The following SEC24B variants were observed in gnomAD, a reference collection of about 807,000 sequenced individuals.
SEC24B encodes the protein SEC24 homolog B, COPII component, also known as protein transport protein Sec24B.
In SEC24B, 45 loss-of-function variants were observed where a neutral mutation model predicts 142.8. That is an observed-to-expected ratio of 0.32 (90% CI 0.25 to 0.40). The LOEUF is 0.40. Among genes scored for constraint, SEC24B ranks in the 10% least tolerant of loss-of-function variants. The pLI, the probability that SEC24B is intolerant of heterozygous loss-of-function variation, is 1.00. For synonymous variants in SEC24B, 574 were observed against 568.2 expected, an observed-to-expected ratio of 1.01 and a Z score of -0.15; for missense variants, 1,409 against 1,526.8, an observed-to-expected ratio of 0.92 and a Z score of 1.29.
intron 10 of SEC24B, among the ~76,000 whole-genome samples, chr4:109,516,080 C>A (rs1456364913): frequency 3.9e-5 from 6 of 152,070 alleles, no homozygotes; most frequent in African/African-American, 1.4e-4. Context: ...AATACCATCA[C>A]AAGGACTTTC....
chr4:109,473,114 C>A lies in SEC24B; in HGVS notation c.988C>A (p.Pro330Thr), dbSNP rs761075937. Residue 330 changes from proline to threonine, a missense_variant, in exon 3 of 24, where the codon CCT (proline) becomes ACT (threonine). Physicochemically the swap from Pro to Thr is conservative, Grantham distance 38. Transcript: ENST00000265175. ...CTCAGGATCCTCATCAACAAGAACA[C>A]CTCCCACTGCAAATCACCCAGTTGA... ...GSSGSSSTRT[P>T]PTANHPVEPV... is the part of the protein sequence containing the mutation. 1.3e-6 allele frequency: 2 copies of A among 1,599,916 alleles called. No individual in the cohort carries two copies. The highest frequency in any genetic ancestry group is 1.7e-6 in the Non-Finnish European group (2 of 1,173,380).
chr4:109,436,847 G>GT (rs1728452036), intron 1 of SEC24B, among the ~76,000 whole-genome samples: 5 of 152,332 alleles, frequency 3.3e-5, no homozygotes, highest in Middle Eastern at 3.4e-3. Flanking sequence ...TGCTGGGAGG[G>GT]TGGCGGCACC....
At chr4:109,519,803 T>C (rs1723409373) in intron 11 of SEC24B, among the ~76,000 whole-genome samples, 1 of 152,238 alleles carries the variant, frequency 6.6e-6, no homozygotes, top group Admixed American at 6.5e-5. Context: ...TGGCATCCTG[T>C]AGTATCCAAA....
At chr4:109,511,694 A>G (rs11929713) in intron 8 of SEC24B, among the ~76,000 whole-genome samples, 26,572 of 152,130 alleles carry the variant, frequency 0.17, 2,614 homozygotes, top group African/African-American at 0.27. Flanking sequence ...CTAAAGTTAA[A>G]CTGATAAGAT....
chr4:109,519,333 G>A (rs1239164610), intron 11 of SEC24B, among the ~76,000 whole-genome samples: 2 of 152,186 alleles, frequency 1.3e-5, no homozygotes, highest in East Asian at 1.9e-4. Flanking sequence ...AACCAAAAGT[G>A]TAAAACTGGG....
At chr4:109,439,474 A>ATTT (rs70949077) in intron 1 of SEC24B, among the ~76,000 whole-genome samples, 9 of 43,992 alleles carry the variant, frequency 2.0e-4, no homozygotes, top group South Asian at 8.1e-4. Flanking sequence ...TCCTAAGCTG[A>ATTT]TTTTTTTTTT....
At chr4:109,499,505 C>T (rs1012104350) in intron 6 of SEC24B, among the ~76,000 whole-genome samples, 3 of 152,088 alleles carry the variant, frequency 2.0e-5, no homozygotes, top group South Asian at 2.1e-4. Context: ...TGTGTATATA[C>T]ACACACATAC....
In SEC24B at chr4:109,494,734, G is replaced by T. The variant is rs1418597445; in HGVS notation, c.1366G>T (p.Ala456Ser). 3.1e-6 allele frequency: 5 copies of T among 1,614,164 alleles called. No individual in the cohort carries two copies. Among genetic ancestry groups the T allele is most frequent in the Non-Finnish European group, 3.4e-6 (4 of 1,180,024 alleles). Residue 456 changes from alanine to serine, a missense_variant, in exon 6 of 24, where the codon GCT becomes TCT. By Grantham distance (99) the Ala-to-Ser change is moderately conservative. This residue lies in a region of SEC24B where 709 missense variants were observed against 673.5 expected (regional missense o/e 1.05). Coordinates refer to ENST00000265175, the MANE Select transcript of SEC24B (RefSeq NM_006323.5). The stretch of plus-strand genomic sequence containing the variant: ...TGTCGTCCCTCAGCCTTCAAAAATG[G>T]CTAAGCCTTTTGGCTATGGCTATCC... ...APVVPQPSKM[A>S]KPFGYGYPTL...
chr4:109,481,888 A>G (rs1253724156), intron 4 of SEC24B, 107 bp downstream of exon 4: 20 of 751,032 alleles, frequency 2.7e-5, no homozygotes, highest in Non-Finnish European at 4.1e-5. Flanking sequence ...AAGATTTAGC[A>G]TGATGAACTT....
intron 4 of SEC24B, among the ~76,000 whole-genome samples, chr4:109,483,039 T>G (rs1318091771): frequency 1.1e-4 from 12 of 110,424 alleles, no homozygotes; most frequent in African/African-American, 9.2e-4. Context: ...TGTATTTATA[T>G]ATATGTATTT....
intron 11 of SEC24B, among the ~76,000 whole-genome samples, chr4:109,519,534 C>A (rs956451110): frequency 1.3e-5 from 2 of 152,158 alleles, no homozygotes; most frequent in African/African-American, 2.4e-5. Context: ...GTATTTTTAG[C>A]TTGGAGTAGG....
intron 6 of SEC24B, among the ~76,000 whole-genome samples, chr4:109,501,753 C>T (rs1014236662): frequency 6.6e-6 from 1 of 152,154 alleles, no homozygotes; most frequent in Non-Finnish European, 1.5e-5. Flanking sequence ...ATTACAGGCG[C>T]AAGCCACTGC....
At chr4:109,502,642 A>T (rs1332925029) in intron 6 of SEC24B, among the ~76,000 whole-genome samples, 1 of 152,196 alleles carries the variant, frequency 6.6e-6, no homozygotes, top group Non-Finnish European at 1.5e-5. Context: ...GATAATGAAG[A>T]CAAAGGTCTA....
chr4:109,464,237 C>T (rs1731620147), intron 2 of SEC24B, among the ~76,000 whole-genome samples: 1 of 151,868 alleles, frequency 6.6e-6, no homozygotes, highest in African/African-American at 2.4e-5. Flanking sequence ...CCTTCCTAAA[C>T]CAAGGTGTTG....
chr4:109,512,639 C>T (rs1578946550), intron 9 of SEC24B, among the ~76,000 whole-genome samples: 3 of 151,356 alleles, frequency 2.0e-5, no homozygotes, highest in African/African-American at 7.3e-5. Context: ...TTTTTTTATC[C>T]TTCTGATCTA....
intron 6 of SEC24B, among the ~76,000 whole-genome samples, chr4:109,503,623 G>T (rs113211608): frequency 0.072 from 10,937 of 152,040 alleles, 558 homozygotes; most frequent in African/African-American, 0.14. Context: ...GCCTCCCAAA[G>T]TGCTGGGATT....
chr4:109,520,403 A>T lies in SEC24B; in HGVS notation c.2164A>T (p.Thr722Ser), dbSNP rs1723472790. 3.1e-6 allele frequency: 5 copies of T among 1,611,836 alleles called. No individual in the cohort carries two copies. The African/African-American group carries it at 5.3e-5, about 17-fold the overall frequency. ...GDSRTRIGFM[T>S]FDSTIHFYNL... ...TTCACGAACAAGAATAGGATTCATG[A>T]CCTTTGATAGCACTATTCATTTCTA... The change falls in exon 12 of 24, where the codon ACC (threonine) becomes TCC (serine). Residue 722 changes from threonine to serine, a missense_variant. By Grantham distance (58) the Thr-to-Ser change is moderately conservative (BLOSUM62 1). Transcript: ENST00000265175.
At chr4:109,438,619 C>CT (rs1339100031) in intron 1 of SEC24B, among the ~76,000 whole-genome samples, 3 of 152,134 alleles carry the variant, frequency 2.0e-5, no homozygotes, top group East Asian at 3.9e-4. Context: ...TTAACAGACT[C>CT]TAAGAAAATT....
intron 1 of SEC24B, among the ~76,000 whole-genome samples, chr4:109,439,827 G>A (rs1295121833): frequency 6.6e-6 from 1 of 150,738 alleles, no homozygotes; most frequent in African/African-American, 2.4e-5. Context: ...ATATCTCAAA[G>A]ATCTTAAAGT....
Sources: gnomAD v4.1 joint callset for allele counts (sites outside exome capture counted in the v4.1 genomes callset) on GRCh38, gnomAD v4.1.1 for gene constraint, gnomAD v4.1.1 regional missense constraint, MANE v1.5 for transcripts, NCBI Gene and HGNC (gene_info 2026-07-23, HGNC 2026-07-21) for gene names.